The following NEURL1 variants were observed in gnomAD, a reference collection of about 807,000 sequenced individuals.
NEURL1 encodes neuralized E3 ubiquitin protein ligase 1.
NEURL1 carries 26 observed loss-of-function variants against 41.2 expected under a neutral mutation model. The ratio of observed to expected loss-of-function variants is 0.63; its 90% CI spans 0.46 to 0.87. NEURL1 has a LOEUF of 0.87. Among genes scored for constraint, NEURL1 ranks in the 40% least tolerant of loss-of-function variants. The pLI, the probability that NEURL1 is intolerant of heterozygous loss-of-function variation, is 0.00. For missense variants in NEURL1, 761 were observed against 871.1 expected, an observed-to-expected ratio of 0.87 and a Z score of 1.59; for synonymous variants, 400 against 402.3, an observed-to-expected ratio of 0.99 and a Z score of 0.07.
At chr10:103,588,422 A>ATG (rs2035967712) in intron 4 of NEURL1, among the ~76,000 whole-genome samples, 1 of 151,938 alleles carries the variant, frequency 6.6e-6, no homozygotes, top group African/African-American at 2.4e-5. Context: ...TCTGTAGTGC[A>ATG]TGTGTGTGTG....
At chr10:103,573,018 C>G (rs2035583007) in intron 3 of NEURL1, among the ~76,000 whole-genome samples, 1 of 151,228 alleles carries the variant, frequency 6.6e-6, no homozygotes, top group Admixed American at 6.6e-5. Context: ...TTTCTGACTT[C>G]AGAGCCTAGA....
At chr10:103,553,253 G>A (rs1035572175) in intron 1 of NEURL1, among the ~76,000 whole-genome samples, 4 of 152,200 alleles carry the variant, frequency 2.6e-5, no homozygotes, top group Admixed American at 2.6e-4. Flanking sequence ...TGCGTCACAC[G>A]CTCAGGGCAG....
At chr10:103,535,635 G>T (rs1564813564) in intron 1 of NEURL1, among the ~76,000 whole-genome samples, 1 of 152,144 alleles carries the variant, frequency 6.6e-6, no homozygotes, top group African/African-American at 2.4e-5. Context: ...CACCAGAGAG[G>T]TGTGACTGTC....
In NEURL1 at chr10:103,534,903, C is replaced by A. The variant is rs188221518; in HGVS notation, c.86-35969C>A. On this transcript the variant is annotated intron_variant, in intron 1 of 5. Coordinates refer to ENST00000369780, the MANE Select transcript of NEURL1 (RefSeq NM_004210.5). The stretch of plus-strand genomic sequence containing the variant: ...GACTCTGAAGCACCCGCTATCAGCT[C>A]AGCCCCATAGGCTGGGTTGTACCTG... 1.3e-3 allele frequency among the ~76,000 whole-genome samples: 194 copies of A among 152,292 alleles called. 1 individual carries two copies. The highest frequency in any genetic ancestry group is 3.3e-3 in the African/African-American group (138 of 41,548).
chr10:103,548,707 A>C (rs2034974367), intron 1 of NEURL1, among the ~76,000 whole-genome samples: 1 of 152,198 alleles, frequency 6.6e-6, no homozygotes, highest in Admixed American at 6.5e-5. Flanking sequence ...TTCCAGTTCT[A>C]CGTGGATTCC....
In NEURL1 at chr10:103,521,815, C is replaced by T. The variant is rs867990540; in HGVS notation, c.85+27343C>T. On this transcript the variant is annotated intron_variant, in intron 1 of 5. Coordinates refer to ENST00000369780, the MANE Select transcript of NEURL1 (RefSeq NM_004210.5). ...GACAGAAGTTGGAATGCTAGCTGCC[C>T]GGGTTTCGGCACCAAATGTCATGTG... Among the ~76,000 whole-genome samples, 8 of 152,132 alleles carry T rather than the reference C, an allele frequency of 5.3e-5. No individual in the cohort carries two copies. In the South Asian group the frequency reaches 1.0e-3, roughly 20 times the overall value.
chr10:103,555,368 C>G (rs750040996), intron 1 of NEURL1: 1 of 1,355,840 alleles, frequency 7.4e-7, no homozygotes, highest in Non-Finnish European at 9.8e-7. Flanking sequence ...GCTGCACTGC[C>G]CGTCGCCGGA....
chr10:103,581,227 C>T (rs1320492389), intron 3 of NEURL1, among the ~76,000 whole-genome samples: 2 of 152,198 alleles, frequency 1.3e-5, no homozygotes, highest in African/African-American at 4.8e-5. Flanking sequence ...CCAAAAGCCA[C>T]CAGCCAAGTG....
chr10:103,499,901 C>T (rs956352275), intron 1 of NEURL1, among the ~76,000 whole-genome samples: 3 of 152,228 alleles, frequency 2.0e-5, no homozygotes, highest in African/African-American at 7.2e-5. Flanking sequence ...TCCCAAAGTA[C>T]TATCTTCATC....
At chr10:103,563,753 C>T (rs563149017) in intron 1 of NEURL1, among the ~76,000 whole-genome samples, 2 of 152,286 alleles carry the variant, frequency 1.3e-5, no homozygotes, top group South Asian at 2.1e-4. Flanking sequence ...GAAGGCCTGC[C>T]ATGACCCCAT....
chr10:103,535,473 G>A (rs989962400), intron 1 of NEURL1, among the ~76,000 whole-genome samples: 13 of 152,180 alleles, frequency 8.5e-5, no homozygotes, highest in African/African-American at 3.1e-4. Flanking sequence ...GCTCATGCTT[G>A]GGGGTGATAG....
chr10:103,549,875 T>A (rs1447405964), intron 1 of NEURL1, among the ~76,000 whole-genome samples: 1 of 152,258 alleles, frequency 6.6e-6, no homozygotes, highest in Non-Finnish European at 1.5e-5. Flanking sequence ...GTCCCAGTCC[T>A]CCTTGCCTTC....
At position 103,494,077 on chromosome 10, in the gene NEURL1, A is replaced by C; in HGVS notation, c.-311A>C. 3 of 228,504 alleles carry C rather than the reference A, an allele frequency of 1.3e-5. No individual in the cohort carries two copies. Among genetic ancestry groups the C allele is most frequent in the African/African-American group, 2.3e-5 (1 of 43,022 alleles). 14.2% of individuals were successfully genotyped at this position (228,504 alleles called of 1,614,324 possible). On this transcript the variant is annotated 5_prime_UTR_variant, in exon 1 of 6. Transcript: ENST00000369780. The stretch of plus-strand genomic sequence containing the variant: ...CAGCCGGAACCCTAGCGTCCCGGGG[A>C]GCAAGCGGGGAGCCCCGGGCGTCCC...
At chr10:103,544,804 G>C (rs559407898) in intron 1 of NEURL1, among the ~76,000 whole-genome samples, 4 of 152,294 alleles carry the variant, frequency 2.6e-5, no homozygotes, top group Admixed American at 2.0e-4. Context: ...TTTGCCTGCT[G>C]GTGGAGCCCA....
At chr10:103,582,648 T>G (rs1007494803) in intron 3 of NEURL1, among the ~76,000 whole-genome samples, 2 of 152,136 alleles carry the variant, frequency 1.3e-5, no homozygotes, top group Non-Finnish European at 2.9e-5. Context: ...CTACATTCAG[T>G]TGGAACTGAA....
chr10:103,553,405 GCGTGTGTGTA>G (rs2035076472), intron 1 of NEURL1, among the ~76,000 whole-genome samples: 3 of 152,170 alleles, frequency 2.0e-5, no homozygotes, highest in South Asian at 4.1e-4. Context: ...GGAAGTGTGT[GCGTGTGTGTA>G]CGTGTGACTG....
In NEURL1 at chr10:103,571,583, C is replaced by T. The variant is rs764767225; in HGVS notation, c.410C>T (p.Ser137Leu). The T allele has an allele frequency of 2.5e-5, 41 of 1,613,844 alleles. No homozygotes were observed. The East Asian group carries it at 2.7e-4, about 11-fold the overall frequency. ...SKDPSRIHPD[S>L]LPKYACPDLV... The stretch of plus-strand genomic sequence containing the variant: ...GACCCGTCCCGCATCCACCCTGACT[C>T]GCTGCCCAAGTACGCCTGCCCCGAC... Residue 137 changes from serine to leucine, a missense_variant, in exon 3 of 6, where the codon TCG becomes TTG. By Grantham distance (145) the Ser-to-Leu change is moderately radical (BLOSUM62 -2). Around this residue, in one of 5 missense-constraint regions of NEURL1, gnomAD observed 65 missense variants for 131.6 expected, o/e 0.49. Coordinates refer to ENST00000369780, the MANE Select transcript of NEURL1 (RefSeq NM_004210.5).
At chr10:103,507,534 A>G in intron 1 of NEURL1, among the ~76,000 whole-genome samples, 1 of 151,930 alleles carries the variant, frequency 6.6e-6, no homozygotes, top group South Asian at 2.1e-4. Flanking sequence ...GCTGTTGGGG[A>G]GCTGCTTGTG....
intron 3 of NEURL1, 128 bp from the exon 4 acceptor site, chr10:103,584,408 C>A: frequency 2.0e-6 from 1 of 500,728 alleles, no homozygotes; most frequent in Non-Finnish European, 3.2e-6. Flanking sequence ...TAATTTATGT[C>A]ACAAGCATCG....
Sources: allele counts gnomAD v4.1 joint callset (sites outside exome capture counted in the v4.1 genomes callset), GRCh38; gene constraint gnomAD v4.1.1; regional missense constraint gnomAD v4.1.1; transcripts MANE v1.5; gene names NCBI Gene and HGNC (gene_info 2026-07-23, HGNC 2026-07-21).